Variants in MPI observed in about 807,000 individuals in gnomAD.
MPI encodes the protein mannose phosphate isomerase, also known as mannose-6-phosphate isomerase.
A neutral mutation model predicts 40.1 loss-of-function variants in MPI; 33 were observed. The ratio of observed to expected loss-of-function variants is 0.82; its 90% CI spans 0.62 to 1.10. MPI has a LOEUF of 1.10. Among genes scored for constraint, MPI ranks in the 50% least tolerant of loss-of-function variants. The probability of loss-of-function intolerance (pLI) is 0.00; values close to 1 mark genes in which losing one functional copy is unlikely to be tolerated. For synonymous variants in MPI, 187 were observed against 207.4 expected (o/e 0.90, Z 0.85); for missense variants, 514 against 524.1 (o/e 0.98, Z 0.19).
At chr15:74,892,115 T>A (rs1429818608) in intron 3 of MPI, among the ~76,000 whole-genome samples, 1 of 152,118 alleles carries the variant, frequency 6.6e-6, no homozygotes, top group African/African-American at 2.4e-5. Flanking sequence ...TGCTTCAGCC[T>A]CGCAAATAGC....
rs780400102 is a variant in MPI at position 74,893,259 on chromosome 15, G to T, written c.609G>T (p.Lys203Asn). The T allele has an allele frequency of 1.2e-6, 2 of 1,614,112 alleles. No homozygotes were observed. Among genetic ancestry groups the T allele is most frequent in the Admixed American group, 3.3e-5 (2 of 60,002 alleles). ...AGAGCTGTTTCTCCCACCTGATGAA[G>T]AGTGAGAAGAAGGTGGTGGTGGAAC... Reference protein sequence around the residue: ...SLQSCFSHLMKSEKKVVVEQL... With the variant: ...SLQSCFSHLMNSEKKVVVEQL... Residue 203 changes from lysine (K) to asparagine (N), a missense_variant, in exon 5 of 8, where the codon AAG (lysine) becomes AAT (asparagine). Lys to Asn is a moderately conservative substitution (Grantham distance 94). Transcript: ENST00000352410.
chr15:74,891,145 G>A (rs1410222472), intron 2 of MPI: 15 of 622,772 alleles, frequency 2.4e-5, no homozygotes, highest in Non-Finnish European at 4.3e-5. Flanking sequence ...ATCTAAAGAA[G>A]GGAAATAACT....
At position 74,898,428 on chromosome 15, in the gene MPI, T is replaced by C. The variant is rs992126747; in HGVS notation, c.*698T>C. On this transcript the variant is annotated 3_prime_UTR_variant, in exon 8 of 8. Coordinates refer to ENST00000352410, the MANE Select transcript of MPI (RefSeq NM_002435.3). ...CAGCTTTGGCCTCACAGGCACAGCT[T>C]GCAAGCAGGCCTTGGGTCTGCCCAG... 1.8e-5 allele frequency: 3 copies of C among 167,618 alleles called. No individual in the cohort carries two copies. The highest frequency in any genetic ancestry group is 4.8e-5 in the African/African-American group (2 of 41,702). 10.4% of individuals were successfully genotyped at this position (167,618 alleles called of 1,614,324 possible). A position where few individuals can be genotyped will look rare whatever the true frequency, so the allele number is the denominator to read the frequency against.
Position 74,891,399 on chromosome 15 carries a change from C to T in MPI, c.165C>T (p.Pro55=). 2 of 1,614,166 alleles carry T rather than the reference C, an allele frequency of 1.2e-6. No individual in the cohort carries two copies. Among genetic ancestry groups the T allele is most frequent in the Non-Finnish European group, 1.7e-6 (2 of 1,180,036 alleles). The stretch of plus-strand genomic sequence containing the variant: ...TCCAGTTGTGGATGGGGACTCACCC[C>T]CGAGGGGATGCCAAGATCCTTGACA... ...PYAELWMGTH[P]RGDAKILDNR... is the part of the protein sequence containing the mutation. The change falls in exon 3 of 8, where the codon CCC becomes CCT. Residue 55 remains proline (P), a synonymous_variant. Coordinates refer to ENST00000352410, the MANE Select transcript of MPI (RefSeq NM_002435.3).
chr15:74,891,277 C>T (rs1286282292), intron 2 of MPI, 102 bp from the exon 3 acceptor site: 1 of 1,101,760 alleles, frequency 9.1e-7, no homozygotes, highest in Non-Finnish European at 1.4e-6. Flanking sequence ...TTTCCCAGGA[C>T]TCAGTTGCCC....
At chr15:74,896,090 T>C in intron 5 of MPI, 62 bp from the exon 6 acceptor site, 1 of 1,596,432 alleles carries the variant, frequency 6.3e-7, no homozygotes, top group Non-Finnish European at 8.6e-7. Context: ...CTGGCCAATG[T>C]GGGGCTATGA....
Position 74,890,631 on chromosome 15 carries a change from G to GGCC in MPI, c.121_122insGCC (p.Ala41delinsGlyPro). 6.2e-7 allele frequency: 1 copy of GGCC among 1,614,028 alleles called. No individual in the cohort carries two copies. Among genetic ancestry groups the GGCC allele is most frequent in the Non-Finnish European group, 8.5e-7 (1 of 1,180,036 alleles). ...CAGCAGTGATCCACTGGCCCAGATCGCAGAGGACAAGCCTTATGCAGAGGT... is the reference window on the plus strand; with the variant it reads ...CAGCAGTGATCCACTGGCCCAGATCGGCCCAGAGGACAAGCCTTATGCAGAGGT... On this transcript the variant is annotated protein_altering_variant, in exon 2 of 8. Coordinates refer to ENST00000352410, the MANE Select transcript of MPI (RefSeq NM_002435.3).
chr15:74,897,868 G>T lies in MPI; in HGVS notation c.*138G>T, dbSNP rs2064846457. On this transcript the variant is annotated 3_prime_UTR_variant, in exon 8 of 8. Transcript: ENST00000352410. ...CTGGAAGAGCTGGGGTGGGGGAGGA[G>T]GGAGCGTGAAGGTAGTGACTCCTGA... 1 of 862,312 alleles carries T rather than the reference G, an allele frequency of 1.2e-6. No individual in the cohort carries two copies. The highest frequency in any genetic ancestry group is 2.0e-5 in the Admixed American group (1 of 50,152). 53.4% of individuals were successfully genotyped at this position (862,312 alleles called of 1,614,324 possible).
intron 6 of MPI, chr15:74,896,533 C>A: frequency 1.4e-6 from 1 of 698,744 alleles, no homozygotes; most frequent in South Asian, 1.5e-5. Context: ...TGACACCAAC[C>A]CTGTGATGCC....
intron 6 of MPI, chr15:74,896,642 A>G (rs2064822745): frequency 1.6e-6 from 1 of 611,562 alleles, no homozygotes; most frequent in Non-Finnish European, 2.9e-6. Context: ...CAGCCTTTGT[A>G]TGTCTGTCCT....
chr15:74,897,444 G>C, intron 7 of MPI, 68 bp from the exon 8 acceptor site: 6 of 1,518,506 alleles, frequency 4.0e-6, no homozygotes, highest in South Asian at 1.1e-5. Flanking sequence ...CCTGGGGACT[G>C]TCCTGGGCCC....
Position 74,897,851 on chromosome 15 carries a change from G to C in MPI, c.*121G>C. On this transcript the variant is annotated 3_prime_UTR_variant, in exon 8 of 8. Transcript: ENST00000352410. The stretch of plus-strand genomic sequence containing the variant: ...GACCCCTTAGGTATACCCTGGAAGA[G>C]CTGGGGTGGGGGAGGAGGGAGCGTG... 3 of 967,550 alleles carry C rather than the reference G, an allele frequency of 3.1e-6. No individual in the cohort carries two copies. The highest frequency in any genetic ancestry group is 4.8e-6 in the Non-Finnish European group (3 of 619,764). 59.9% of individuals were successfully genotyped at this position (967,550 alleles called of 1,614,324 possible).
intron 2 of MPI, chr15:74,890,977 A>T (rs777748172): frequency 5.3e-6 from 3 of 567,116 alleles, no homozygotes; most frequent in South Asian, 4.7e-5. Flanking sequence ...CTGCCTATTT[A>T]GTGGAGAAAA....
chr15:74,890,696 C>G lies in MPI; in HGVS notation c.144+42C>G, dbSNP rs370782644. On this transcript the variant is annotated intron_variant, in intron 2 of 7. Transcript: ENST00000352410. The stretch of plus-strand genomic sequence containing the variant: ...ATTTCAGCCCACTTTACCCGCAGGT[C>G]AGGAGAAAGGGCCTGAGGCAAGTCA... The G allele has an allele frequency of 1.7e-5, 27 of 1,609,560 alleles. No individual in the cohort carries two copies. The African/African-American group carries it at 3.1e-4, about 18-fold the overall frequency.
rs1262743377 is a variant in MPI, at chr15:74,902,105, G to A, written c.*4375G>A. The A allele has an allele frequency of 5.0e-6, 2 of 398,548 alleles. No homozygotes were observed. The highest frequency in any genetic ancestry group is 4.1e-5 in the African/African-American group (2 of 48,650). 24.7% of individuals were successfully genotyped at this position (398,548 alleles called of 1,614,324 possible). On this transcript the variant is annotated 3_prime_UTR_variant, in exon 8 of 8. Coordinates refer to ENST00000352410, the MANE Select transcript of MPI (RefSeq NM_002435.3). The stretch of plus-strand genomic sequence containing the variant: ...GGACTCACTTTATGCTGTCTTGAAG[G>A]TCAAGCCTGCAAACCATCTTAGAGC...
intron 7 of MPI, 146 bp downstream of exon 7, chr15:74,897,365 C>G: frequency 7.8e-7 from 1 of 1,287,832 alleles, no homozygotes; most frequent in Non-Finnish European, 1.1e-6. Flanking sequence ...CCTTCCTGTA[C>G]CAGGGACCAG....
intron 6 of MPI, chr15:74,896,752 T>C: frequency 1.6e-6 from 1 of 618,186 alleles, no homozygotes; most frequent in Non-Finnish European, 2.9e-6. Flanking sequence ...ATGCACAGGA[T>C]TCTGGGGTAG....
chr15:74,896,674 T>C (rs1209888555), intron 6 of MPI: 4 of 608,430 alleles, frequency 6.6e-6, no homozygotes, highest in Non-Finnish European at 5.8e-6. Context: ...ATTTTTACAC[T>C]AAAATATGCA....
chr15:74,890,497 A>G (rs768689647), intron 1 of MPI, 30 bp from the exon 2 acceptor site: 2 of 1,613,290 alleles, frequency 1.2e-6, no homozygotes, highest in Admixed American at 3.3e-5. Flanking sequence ...TGAGGAGTGG[A>G]GTGGCAGCTG....
Sources: allele counts gnomAD v4.1 joint callset (sites outside exome capture counted in the v4.1 genomes callset), GRCh38; gene constraint gnomAD v4.1.1; transcripts MANE v1.5; gene names NCBI Gene and HGNC (gene_info 2026-07-23, HGNC 2026-07-21).